The following LRTM1 variants were observed in gnomAD, a reference collection of about 807,000 sequenced individuals.
LRTM1 encodes the protein leucine rich repeat transmembrane protein 1.
Under a neutral mutation model 32.4 loss-of-function variants are expected in LRTM1, and 38 were observed. That is an observed-to-expected ratio of 1.17 (90% CI 0.91 to 1.54). LRTM1 has a LOEUF of 1.54. LRTM1 is among the 40% of genes most tolerant of loss of function. The pLI is 0.00. For missense variants in LRTM1, 466 were observed against 415.4 expected, an observed-to-expected ratio of 1.12 and a Z score of -1.06; for synonymous variants, 186 against 169.9, an observed-to-expected ratio of 1.09 and a Z score of -0.74.
rs748846442 is a variant in LRTM1, at chr3:54,925,226, CAGAA to C, written c.8-15_8-12del. Reference sequence around the variant, plus strand: ...ACAGGAGCAGTTCACCTACAACAAACAGAAAGAAATTGGGATAGGAACCAGTTTG... The same window carrying C: ...ACAGGAGCAGTTCACCTACAACAAACAGAAATTGGGATAGGAACCAGTTTG... On this transcript the variant is annotated splice_polypyrimidine_tract_variant and intron_variant, in intron 1 of 2. Transcript: ENST00000273286. 5.0e-6 allele frequency: 8 copies of C among 1,601,076 alleles called. No individual in the cohort carries two copies. Among genetic ancestry groups the C allele is most frequent in the Middle Eastern group, 1.7e-4 (1 of 6,008 alleles).
intron 2 of LRTM1, 65 bp from the exon 3 acceptor site, chr3:54,918,957 G>GC (rs1700751981): frequency 7.4e-7 from 1 of 1,350,996 alleles, no homozygotes; most frequent in Non-Finnish European, 9.7e-7. Flanking sequence ...AAAATCCTCT[G>GC]CCTGCAAAAA....
intron 1 of LRTM1, among the ~76,000 whole-genome samples, chr3:54,940,050 G>A (rs1256953873): frequency 6.6e-6 from 1 of 152,136 alleles, no homozygotes; most frequent in African/African-American, 2.4e-5. Context: ...GGAGAAGGTG[G>A]AGCTGACCTT....
At chr3:54,962,666 A>G (rs554629139) in intron 1 of LRTM1, among the ~76,000 whole-genome samples, 6 of 152,286 alleles carry the variant, frequency 3.9e-5, no homozygotes, top group South Asian at 2.1e-4. Context: ...CGGGTTTGCA[A>G]TCAGTTCTCG....
chr3:54,940,128 G>T (rs1187011337), intron 1 of LRTM1, among the ~76,000 whole-genome samples: 1 of 152,138 alleles, frequency 6.6e-6, no homozygotes, highest in East Asian at 1.9e-4. Context: ...CCACATTGGT[G>T]TCTAGTCTCA....
In LRTM1 at chr3:54,924,822, A is replaced by T; in HGVS notation, c.401T>A (p.Ile134Lys). 1 of 1,614,070 alleles carries T rather than the reference A, an allele frequency of 6.2e-7. No individual in the cohort carries two copies. The highest frequency in any genetic ancestry group is 1.1e-5 in the South Asian group (1 of 91,066). Residue 134 changes from isoleucine (I) to lysine (K), a missense_variant, in exon 2 of 3, where the codon ATA (isoleucine) becomes AAA (lysine). Ile to Lys is a moderately radical substitution (Grantham distance 102). Transcript: ENST00000273286. Reference protein sequence around the residue: ...LRELDLSSNNISHLPTSLGET... With the variant: ...LRELDLSSNNKSHLPTSLGET... The stretch of plus-strand genomic sequence containing the variant: ...TCCCAAGGATGTGGGAAGGTGGCTT[A>T]TGTTGTTTGATGACAAATCAAGCTC...
At chr3:54,952,931 A>G (rs904410152) in intron 1 of LRTM1, among the ~76,000 whole-genome samples, 4 of 152,190 alleles carry the variant, frequency 2.6e-5, no homozygotes, top group Non-Finnish European at 4.4e-5. Context: ...CAAAGGAGGA[A>G]ACTTTTCATA....
intron 1 of LRTM1, among the ~76,000 whole-genome samples, chr3:54,951,704 C>A (rs1701762395): frequency 6.6e-6 from 1 of 152,148 alleles, no homozygotes; most frequent in South Asian, 2.1e-4. Context: ...ACTGAACCGC[C>A]GTGTACCTTT....
chr3:54,957,273 C>T (rs1027154012), intron 1 of LRTM1, among the ~76,000 whole-genome samples: 5 of 151,830 alleles, frequency 3.3e-5, no homozygotes, highest in Non-Finnish European at 4.4e-5. Flanking sequence ...GATCTTCCTA[C>T]GGAACTTAGA....
upstream of LRTM1, among the ~76,000 whole-genome samples, chr3:54,932,136 G>A (rs144162986): frequency 0.017 from 2,566 of 152,102 alleles, 71 homozygotes; most frequent in African/African-American, 0.058. Flanking sequence ...CCGAGATCAC[G>A]CCACTACACA....
intron 1 of LRTM1, among the ~76,000 whole-genome samples, chr3:54,961,598 C>T (rs1702030951): frequency 6.6e-6 from 1 of 152,136 alleles, no homozygotes. Flanking sequence ...TGGTAATTGT[C>T]CACATTTGCA....
intron 2 of LRTM1, among the ~76,000 whole-genome samples, chr3:54,920,434 C>T (rs3893005): frequency 0.11 from 17,079 of 152,188 alleles, 969 homozygotes; most frequent in Middle Eastern, 0.15. Flanking sequence ...TTGGGTTCCT[C>T]CTGGCTTCTC....
chr3:54,952,327 T>A (rs553451561), intron 1 of LRTM1, among the ~76,000 whole-genome samples: 16 of 152,302 alleles, frequency 1.1e-4, no homozygotes, highest in African/African-American at 3.6e-4. Flanking sequence ...CCCTGCCTAG[T>A]TTCCCAGGAG....
intron 1 of LRTM1, among the ~76,000 whole-genome samples, chr3:54,958,748 G>T (rs1320289583): frequency 6.6e-6 from 1 of 151,942 alleles, no homozygotes; most frequent in Non-Finnish European, 1.5e-5. Context: ...ATCACCCCAG[G>T]TCATTGCCTG....
At chr3:54,958,863 G>A (rs1440137568) in intron 1 of LRTM1, among the ~76,000 whole-genome samples, 1 of 152,102 alleles carries the variant, frequency 6.6e-6, no homozygotes, top group Non-Finnish European at 1.5e-5. Context: ...CAGCACTTTG[G>A]GAGGCCAAGG....
chr3:54,966,252 A>T (rs1045966483), intron 1 of LRTM1, among the ~76,000 whole-genome samples: 5 of 151,778 alleles, frequency 3.3e-5, no homozygotes, highest in Admixed American at 6.6e-5. Context: ...CCCTGGAGTG[A>T]CTCTTTCAGG....
intron 1 of LRTM1, among the ~76,000 whole-genome samples, chr3:54,936,404 C>T (rs1333502319): frequency 2.0e-5 from 3 of 152,152 alleles, no homozygotes; most frequent in African/African-American, 7.2e-5. Flanking sequence ...TGAATTTGTG[C>T]TCTACATATC....
At chr3:54,943,427 C>T (rs568808706) in intron 1 of LRTM1, among the ~76,000 whole-genome samples, 12 of 152,170 alleles carry the variant, frequency 7.9e-5, no homozygotes, top group Admixed American at 3.9e-4. Context: ...CTTTTTACAC[C>T]GGCTCATCCT....
At chr3:54,964,638 C>G (rs1450495901) in intron 1 of LRTM1, among the ~76,000 whole-genome samples, 1 of 151,982 alleles carries the variant, frequency 6.6e-6, no homozygotes, top group East Asian at 1.9e-4. Context: ...CGTGTTTTCT[C>G]TGATAAAGGT....
At chr3:54,941,574 A>G (rs947994177) in intron 1 of LRTM1, among the ~76,000 whole-genome samples, 1 of 152,152 alleles carries the variant, frequency 6.6e-6, no homozygotes, top group African/African-American at 2.4e-5. Flanking sequence ...GTTTTTCAAT[A>G]TCTATCATTG....
Sources: allele counts gnomAD v4.1 joint callset (sites outside exome capture counted in the v4.1 genomes callset), GRCh38; gene constraint gnomAD v4.1.1; transcripts MANE v1.5; gene names NCBI Gene and HGNC (gene_info 2026-07-23, HGNC 2026-07-21).